CCSER1: variants seen among roughly 807,000 people sequenced by gnomAD.
CCSER1 encodes serine-rich coiled-coil domain-containing protein 1.
A neutral mutation model predicts 82.0 loss-of-function variants in CCSER1; 41 were observed. The observed-to-expected ratio is 0.50, with a 90% confidence interval of 0.39 to 0.65. CCSER1 has a LOEUF of 0.65. Ranked by LOEUF, CCSER1 falls within the 30% of genes least tolerant of loss-of-function variation. The pLI is 0.00. For synonymous variants in CCSER1, 414 were observed against 383.9 expected, an observed-to-expected ratio of 1.08 and a Z score of -0.92; for missense variants, 1,119 against 1,064.2, an observed-to-expected ratio of 1.05 and a Z score of -0.72.
chr4:91,431,400 A>G, intron 10 of CCSER1, among the ~76,000 whole-genome samples: 1 of 152,188 alleles, frequency 6.6e-6, no homozygotes, highest in East Asian at 1.9e-4. Flanking sequence ...AACTATTGTT[A>G]TTAGTTTTCT....
chr4:90,625,936 A>T (rs1365477310), intron 5 of CCSER1, among the ~76,000 whole-genome samples: 1 of 152,212 alleles, frequency 6.6e-6, no homozygotes, highest in Non-Finnish European at 1.5e-5. Flanking sequence ...CCTGAAATAC[A>T]GTGTTAGAAC....
chr4:91,507,492 G>T (rs760472623), intron 10 of CCSER1, among the ~76,000 whole-genome samples: 1 of 151,702 alleles, frequency 6.6e-6, no homozygotes, highest in Non-Finnish European at 1.5e-5. Context: ...GCAGTGACGC[G>T]ATCTCGGCTC....
chr4:90,741,132 G>A (rs576822648), intron 7 of CCSER1, among the ~76,000 whole-genome samples: 2 of 152,260 alleles, frequency 1.3e-5, no homozygotes, highest in African/African-American at 4.8e-5. Flanking sequence ...GTAAAGGATA[G>A]GTGTTGAACT....
At chr4:91,038,127 C>T (rs1204256343) in intron 9 of CCSER1, among the ~76,000 whole-genome samples, 2 of 152,032 alleles carry the variant, frequency 1.3e-5, no homozygotes, top group Non-Finnish European at 2.9e-5. Context: ...CAGGCAGAGA[C>T]CCAAATGCTA....
At chr4:90,275,328 G>A (rs930938176) in intron 1 of CCSER1, among the ~76,000 whole-genome samples, 2 of 151,984 alleles carry the variant, frequency 1.3e-5, no homozygotes, top group Non-Finnish European at 2.9e-5. Context: ...ATAATTTCAC[G>A]TATCTTATGA....
intron 9 of CCSER1, among the ~76,000 whole-genome samples, chr4:91,043,777 G>A (rs1218032953): frequency 1.3e-5 from 2 of 151,844 alleles, no homozygotes; most frequent in Admixed American, 6.6e-5. Flanking sequence ...TAGTAGAGAC[G>A]GGGTTTTGCC....
chr4:91,061,844 A>C (rs1743984447), intron 9 of CCSER1, among the ~76,000 whole-genome samples: 2 of 152,132 alleles, frequency 1.3e-5, no homozygotes, highest in Admixed American at 1.3e-4. Context: ...AGTCCCTAGA[A>C]CATGGTATTT....
intron 6 of CCSER1, among the ~76,000 whole-genome samples, chr4:90,709,461 T>A (rs1560991047): frequency 6.6e-6 from 1 of 152,020 alleles, no homozygotes; most frequent in South Asian, 2.1e-4. Flanking sequence ...CAGGTCCCAG[T>A]GTGTGTTGTT....
intron 7 of CCSER1, among the ~76,000 whole-genome samples, chr4:90,751,342 A>ATG (rs1748627839): frequency 6.6e-6 from 1 of 152,134 alleles, no homozygotes; most frequent in South Asian, 2.1e-4. Flanking sequence ...ATACATTTTT[A>ATG]TGTGGTAAAA....
chr4:90,400,598 G>T (rs963113031), intron 4 of CCSER1, among the ~76,000 whole-genome samples: 2 of 152,154 alleles, frequency 1.3e-5, no homozygotes. Context: ...CTAATTACCA[G>T]TAGCAGTCAC....
At chr4:91,203,047 G>A (rs562367915) in intron 10 of CCSER1, among the ~76,000 whole-genome samples, 1 of 152,060 alleles carries the variant, frequency 6.6e-6, no homozygotes, top group East Asian at 1.9e-4. Flanking sequence ...TGTAGTCACT[G>A]TCCGTAGACC....
intron 5 of CCSER1, among the ~76,000 whole-genome samples, chr4:90,541,652 C>G (rs1311922724): frequency 6.6e-6 from 1 of 151,848 alleles, no homozygotes; most frequent in Non-Finnish European, 1.5e-5. Context: ...CTCTCCTGTT[C>G]TCTCTCACTC....
At chr4:90,203,810 A>T (rs1738228927) in intron 1 of CCSER1, among the ~76,000 whole-genome samples, 2 of 152,170 alleles carry the variant, frequency 1.3e-5, no homozygotes, top group Admixed American at 1.3e-4. Flanking sequence ...TCCCACCAAC[A>T]GTGTAAAAGC....
chr4:91,564,786 T>G (rs1762807271), intron 10 of CCSER1, among the ~76,000 whole-genome samples: 1 of 152,068 alleles, frequency 6.6e-6, no homozygotes, highest in South Asian at 2.1e-4. Flanking sequence ...TATTAGACCT[T>G]CTTCAGAAGC....
intron 8 of CCSER1, among the ~76,000 whole-genome samples, chr4:90,853,430 A>G (rs1764106652): frequency 6.6e-6 from 1 of 152,208 alleles, no homozygotes; most frequent in Non-Finnish European, 1.5e-5. Flanking sequence ...AGAAAATCAG[A>G]CAAGATGTAA....
intron 10 of CCSER1, among the ~76,000 whole-genome samples, chr4:91,283,936 T>C (rs1743096523): frequency 6.6e-6 from 1 of 152,128 alleles, no homozygotes; most frequent in Non-Finnish European, 1.5e-5. Context: ...TGAGACCAAA[T>C]GCCCAAAGGT....
At chr4:90,479,998 G>A (rs1401657081) in intron 5 of CCSER1, among the ~76,000 whole-genome samples, 1 of 152,156 alleles carries the variant, frequency 6.6e-6, no homozygotes, top group Non-Finnish European at 1.5e-5. Flanking sequence ...CACCAACAGT[G>A]TCAAAGTGTT....
chr4:90,457,360 C>A (rs1296399047), intron 4 of CCSER1, among the ~76,000 whole-genome samples: 1 of 152,180 alleles, frequency 6.6e-6, no homozygotes, highest in African/African-American at 2.4e-5. Flanking sequence ...CTCGTGCTCA[C>A]AACATGCTGA....
chr4:90,627,836 A>G (rs1236728162), intron 5 of CCSER1, among the ~76,000 whole-genome samples, 189 bp from the exon 6 acceptor site: 5 of 152,094 alleles, frequency 3.3e-5, no homozygotes. Flanking sequence ...AGATCACGCC[A>G]CTGCACTCCA....
Sources: allele counts gnomAD v4.1 joint callset (sites outside exome capture counted in the v4.1 genomes callset), GRCh38; gene constraint gnomAD v4.1.1; transcripts MANE v1.5; gene names NCBI Gene and HGNC (gene_info 2026-07-23, HGNC 2026-07-21).